Variants in SCN11A observed in about 807,000 individuals in gnomAD.
SCN11A encodes sodium voltage-gated channel alpha subunit 11.
Under a neutral mutation model 162.2 loss-of-function variants are expected in SCN11A, and 122 were observed. The ratio of observed to expected loss-of-function variants is 0.75; its 90% confidence interval spans 0.65 to 0.87. SCN11A has a LOEUF of 0.87. Ranked by LOEUF, SCN11A falls within the 40% of genes least tolerant of loss-of-function variation. The pLI, the probability that SCN11A is intolerant of heterozygous loss-of-function variation, is 0.00. For missense variants in SCN11A, 2,015 were observed against 2,181.6 expected, an observed-to-expected ratio of 0.92 and a Z score of 1.52; for synonymous variants, 758 against 751.5, an observed-to-expected ratio of 1.01 and a Z score of -0.14.
chr3:38,874,145 C>T (rs370480873), intron 23 of SCN11A, among the ~76,000 whole-genome samples: 2 of 152,062 alleles, frequency 1.3e-5, no homozygotes, highest in African/African-American at 2.4e-5. Flanking sequence ...TAATATAGTG[C>T]GAAATATTCC....
At chr3:39,012,592 T>C (rs1678065830) in intron 2 of SCN11A, among the ~76,000 whole-genome samples, 1 of 151,340 alleles carries the variant, frequency 6.6e-6, no homozygotes, top group Admixed American at 6.6e-5. Context: ...GCAATTCTCC[T>C]GCCTCAGCCT....
chr3:38,896,306 A>G (rs1036671643), intron 18 of SCN11A, among the ~76,000 whole-genome samples: 6 of 152,100 alleles, frequency 3.9e-5, no homozygotes, highest in Non-Finnish European at 7.4e-5. Flanking sequence ...AAAGTACACC[A>G]TCTCTCAATT....
In SCN11A at chr3:38,847,055, A is replaced by G. The variant is rs773317280; in HGVS notation, c.5015T>C (p.Leu1672Ser). The G allele has an allele frequency of 4.1e-5, 66 of 1,614,024 alleles. No individual in the cohort carries two copies. The highest frequency in any genetic ancestry group is 5.5e-5 in the Non-Finnish European group (65 of 1,180,038). ...GAGGCGATCTTCACTCACCATGGGC[A>G]AGTCCATTACTAGAAATTGATATTT... ...PNKYQFLVMDLPMVSEDRLHC... is the reference protein window; with the variant it reads ...PNKYQFLVMDSPMVSEDRLHC... Residue 1672 changes from leucine to serine, a missense_variant, in exon 30 of 30, where the codon TTG (leucine) becomes TCG (serine). Transcript: ENST00000302328.
intron 28 of SCN11A, among the ~76,000 whole-genome samples, chr3:38,853,281 T>A (rs2064812687): frequency 6.6e-6 from 1 of 151,922 alleles, no homozygotes; most frequent in Non-Finnish European, 1.5e-5. Context: ...TTGTATAGCA[T>A]GCATATGTAA....
At chr3:38,920,330 T>C (rs2066027583) in intron 10 of SCN11A, among the ~76,000 whole-genome samples, 1 of 152,148 alleles carries the variant, frequency 6.6e-6, no homozygotes, top group African/African-American at 2.4e-5. Context: ...GAGAGTGTAG[T>C]CACATGAGAT....
At chr3:38,983,643 C>T (rs1303858379) in intron 2 of SCN11A, among the ~76,000 whole-genome samples, 1 of 152,172 alleles carries the variant, frequency 6.6e-6, no homozygotes, top group Non-Finnish European at 1.5e-5. Context: ...ACCTCTACCC[C>T]ATAAGGGAGC....
intron 23 of SCN11A, among the ~76,000 whole-genome samples, chr3:38,872,811 GA>G (rs943025359): frequency 2.0e-5 from 3 of 151,880 alleles, no homozygotes; most frequent in South Asian, 2.1e-4. Context: ...AGTTTAGGGG[GA>G]AAAAAAGAGA....
Position 38,847,059 on chromosome 3 carries a change from C to T in SCN11A, c.5011G>A (p.Asp1671Asn), listed in dbSNP as rs767489166. ...KPNKYQFLVMDLPMVSEDRLH... is the reference protein window; with the variant it reads ...KPNKYQFLVMNLPMVSEDRLH... ...CGATCTTCACTCACCATGGGCAAGTCCATTACTAGAAATTGATATTTATTT... is the reference window on the plus strand; with the variant it reads ...CGATCTTCACTCACCATGGGCAAGTTCATTACTAGAAATTGATATTTATTT... The change falls in exon 30 of 30, where the codon GAC (aspartate) becomes AAC (asparagine). Residue 1671 changes from aspartate (D) to asparagine (N), a missense_variant. By Grantham distance (23) the Asp-to-Asn change is conservative. Transcript: ENST00000302328. 3 of 1,614,036 alleles carry T rather than the reference C, an allele frequency of 1.9e-6. No individual in the cohort carries two copies. In the South Asian group the frequency reaches 3.3e-5, roughly 18 times the overall value.
At chr3:39,020,897 G>A (rs1466902164) in intron 2 of SCN11A, among the ~76,000 whole-genome samples, 1 of 151,930 alleles carries the variant, frequency 6.6e-6, no homozygotes, top group Non-Finnish European at 1.5e-5. Context: ...TTCTGGGAAT[G>A]GTGAAATAAA....
intron 11 of SCN11A, among the ~76,000 whole-genome samples, chr3:38,918,840 A>G (rs758756829): frequency 6.6e-6 from 1 of 152,090 alleles, no homozygotes; most frequent in Non-Finnish European, 1.5e-5. Context: ...CCCTTATAAC[A>G]CTCATCACAC....
At position 38,927,068 on chromosome 3, in the gene SCN11A, A is replaced by C. The variant is rs2066154788; in HGVS notation, c.489-137T>G. ...AACATTCTGGTCTTCAGCAAACCAG[A>C]GTTCAAAAATGCAAGCTTTTTAAGC... On this transcript the variant is annotated intron_variant, in intron 7 of 29. Coordinates refer to ENST00000302328, the MANE Select transcript of SCN11A (RefSeq NM_001349253.2). 7 of 810,526 alleles carry C rather than the reference A, an allele frequency of 8.6e-6. No individual in the cohort carries two copies. The South Asian group carries it at 1.4e-4, about 17-fold the overall frequency. The allele number at this position is 810,526 out of a possible 1,614,324, so 50.2% of individuals were successfully genotyped here. A position where few individuals can be genotyped will look rare whatever the true frequency, so the allele number is the denominator to read the frequency against.
chr3:38,931,625 A>G (rs6422144), intron 7 of SCN11A, among the ~76,000 whole-genome samples: 135,707 of 152,286 alleles, frequency 0.89, 60,550 homozygotes, highest in South Asian at 0.92. Context: ...AGGGTCATCA[A>G]TCCATTTTTC....
intron 19 of SCN11A, among the ~76,000 whole-genome samples, chr3:38,889,802 AAAAAT>A (rs372120454): frequency 0.13 from 16,680 of 130,352 alleles, 1,327 homozygotes; most frequent in Middle Eastern, 0.19. Context: ...TCCATCTCAA[AAAAAT>A]AAAATAAAAT....
intron 28 of SCN11A, among the ~76,000 whole-genome samples, chr3:38,862,327 T>C (rs1284170731): frequency 1.2e-4 from 18 of 152,162 alleles, no homozygotes; most frequent in Non-Finnish European, 1.5e-5. Flanking sequence ...AAAACCAGTA[T>C]GGAAATTCCT....
At chr3:39,026,856 C>T (rs1278874482) in intron 2 of SCN11A, among the ~76,000 whole-genome samples, 2 of 152,198 alleles carry the variant, frequency 1.3e-5, no homozygotes, top group Non-Finnish European at 2.9e-5. Context: ...GTGACACTAA[C>T]TCAGCAGGAT....
intron 2 of SCN11A, among the ~76,000 whole-genome samples, chr3:38,984,817 C>T (rs1007152944): frequency 1.3e-5 from 2 of 152,016 alleles, no homozygotes; most frequent in African/African-American, 4.8e-5. Context: ...GGCTGAAATT[C>T]GTGTTGAGCT....
At chr3:38,853,405 C>T (rs1276029532) in intron 28 of SCN11A, among the ~76,000 whole-genome samples, 1 of 152,162 alleles carries the variant, frequency 6.6e-6, no homozygotes, top group Non-Finnish European at 1.5e-5. Context: ...TTTAGGTAAA[C>T]TGAAGTCCCA....
At chr3:38,888,157 G>A (rs186187537) in intron 19 of SCN11A, among the ~76,000 whole-genome samples, 5 of 152,296 alleles carry the variant, frequency 3.3e-5, no homozygotes, top group South Asian at 2.1e-4. Flanking sequence ...CACAAATGTC[G>A]CAGCAAACGC....
At chr3:39,018,022 C>T (rs2031343616) in intron 2 of SCN11A, among the ~76,000 whole-genome samples, 1 of 152,126 alleles carries the variant, frequency 6.6e-6, no homozygotes, top group East Asian at 1.9e-4. Flanking sequence ...TGTGGTCTTA[C>T]TTTTAAGATT....
Sources: gnomAD v4.1 joint callset for allele counts (sites outside exome capture counted in the v4.1 genomes callset) on GRCh38, gnomAD v4.1.1 for gene constraint, MANE v1.5 for transcripts, NCBI Gene and HGNC (gene_info 2026-07-23, HGNC 2026-07-21) for gene names.